The following CHORDC1 variants were observed in gnomAD, a reference collection of about 807,000 sequenced individuals.
CHORDC1 encodes the protein cysteine and histidine-rich domain-containing protein 1.
A neutral mutation model predicts 48.3 loss-of-function variants in CHORDC1; 25 were observed. The observed-to-expected ratio is 0.52, with a 90% confidence interval of 0.38 to 0.72. CHORDC1 has a LOEUF of 0.72. Among genes scored for constraint, CHORDC1 ranks in the 30% least tolerant of loss-of-function variants. The probability of loss-of-function intolerance (pLI) is 0.00; values close to 1 mark genes in which losing one functional copy is unlikely to be tolerated. For synonymous variants in CHORDC1, 128 were observed against 126.4 expected, an observed-to-expected ratio of 1.01 and a Z score of -0.09; for missense variants, 317 against 388.7, an observed-to-expected ratio of 0.82 and a Z score of 1.55.
intron 2 of CHORDC1, 84 bp from the exon 3 acceptor site, chr11:90,215,314 A>C (rs1857981012): frequency 1.2e-6 from 1 of 843,394 alleles, no homozygotes; most frequent in East Asian, 2.8e-5. Flanking sequence ...GCACTTATCT[A>C]CTTGAATCCT....
chr11:90,210,957 G>C, intron 5 of CHORDC1: 3 of 303,376 alleles, frequency 9.9e-6, no homozygotes, highest in Non-Finnish European at 1.2e-5. Flanking sequence ...AAATTTAGCT[G>C]ATTCTTAAAA....
At chr11:90,206,809 C>T in intron 6 of CHORDC1, 1 of 1,280,184 alleles carries the variant, frequency 7.8e-7, no homozygotes, top group Admixed American at 2.3e-5. Context: ...TAGATGGAGG[C>T]TCTACAGATG....
chr11:90,219,948 TACA>T (rs1253003650), intron 1 of CHORDC1, among the ~76,000 whole-genome samples: 1 of 152,240 alleles, frequency 6.6e-6, no homozygotes, highest in Non-Finnish European at 1.5e-5. Flanking sequence ...TTCAATGCTC[TACA>T]ACAACCTTGT....
Position 90,202,086 on chromosome 11 carries a change from A to G in CHORDC1, c.*319T>C, listed in dbSNP as rs758346804. On this transcript the variant is annotated 3_prime_UTR_variant, in exon 11 of 11. Transcript: ENST00000320585. ...AAAAACATAAAAAAAATGTTCCTTA[A>G]TATTTCTTTGCTTAACAGAGAAATA... 22 of 203,288 alleles carry G rather than the reference A, an allele frequency of 1.1e-4. No homozygotes were observed. The highest frequency in any genetic ancestry group is 2.1e-4 in the Non-Finnish European group (21 of 102,376). The allele number at this position is 203,288 out of a possible 1,614,324, so 12.6% of individuals were successfully genotyped here.
chr11:90,213,961 C>A, intron 4 of CHORDC1, 57 bp downstream of exon 4: 3 of 1,381,060 alleles, frequency 2.2e-6, no homozygotes, highest in Non-Finnish European at 2.0e-6. Context: ...AGGAAAGTAC[C>A]ATGCACAAGT....
At chr11:90,203,972 A>G (rs1181929138) in intron 8 of CHORDC1, among the ~76,000 whole-genome samples, 1 of 152,116 alleles carries the variant, frequency 6.6e-6, no homozygotes, top group Non-Finnish European at 1.5e-5. Context: ...TAATCCTTAC[A>G]TACCAGTAGT....
intron 10 of CHORDC1, 109 bp downstream of exon 10, chr11:90,202,704 T>C (rs533573104): frequency 7.1e-7 from 1 of 1,399,590 alleles, no homozygotes; most frequent in African/African-American, 1.5e-5. Context: ...GATACACTGT[T>C]AAGTTATACA....
chr11:90,208,188 T>C (rs1337632742), intron 6 of CHORDC1: 1 of 152,220 alleles, frequency 6.6e-6, no homozygotes, highest in Admixed American at 6.5e-5. Flanking sequence ...TTCCAGCACT[T>C]TGGGAGGCCG....
rs745911071 is a variant in CHORDC1, at chr11:90,202,422, C to A, written c.982G>T (p.Asp328Tyr). 12 of 1,611,520 alleles carry A rather than the reference C, an allele frequency of 7.4e-6. No individual in the cohort carries two copies. The East Asian group carries it at 2.5e-4, about 33-fold the overall frequency. ...TCTCCCACTCAATCTGTTGTGGCATCTTTTTGTTTTTCCTGCTTTTTAGCT... is the reference window on the plus strand; with the variant it reads ...TCTCCCACTCAATCTGTTGTGGCATATTTTTGTTTTTCCTGCTTTTTAGCT... ...PAAKKQEKQK[D>Y]ATTD The change falls in exon 11 of 11, where the codon GAT (aspartate) becomes TAT (tyrosine). Residue 328 changes from aspartate (D) to tyrosine (Y), a missense_variant. By Grantham distance (160) the Asp-to-Tyr change is radical. Transcript: ENST00000320585.
chr11:90,204,209 C>T (rs562649368), intron 8 of CHORDC1, among the ~76,000 whole-genome samples: 13 of 152,064 alleles, frequency 8.5e-5, no homozygotes, highest in Non-Finnish European at 8.8e-5. Flanking sequence ...TAACTGCATA[C>T]ATTAAAAAAC....
At chr11:90,203,010 A>T (rs1857579525) in intron 9 of CHORDC1, 135 bp from the exon 10 acceptor site, 1 of 1,158,044 alleles carries the variant, frequency 8.6e-7, no homozygotes, top group African/African-American at 1.6e-5. Context: ...ATTGTTTCAT[A>T]TGAGAAAAGC....
At chr11:90,209,896 A>G (rs1464736207) in intron 6 of CHORDC1, among the ~76,000 whole-genome samples, 3 of 152,154 alleles carry the variant, frequency 2.0e-5, no homozygotes, top group African/African-American at 7.2e-5. Context: ...AGCTTCTCCT[A>G]ATACTTAGAA....
At chr11:90,217,851 C>T (rs529836981) in intron 2 of CHORDC1, 30 of 185,136 alleles carry the variant, frequency 1.6e-4, no homozygotes, top group African/African-American at 6.5e-4. Context: ...GAGCTGAGAT[C>T]GCACCACTGC....
chr11:90,217,737 T>C (rs1339939878), intron 2 of CHORDC1: 1 of 153,734 alleles, frequency 6.5e-6, no homozygotes, highest in African/African-American at 2.4e-5. Flanking sequence ...CTGTCTCCAC[T>C]AAAAATACAA....
chr11:90,217,107 A>G (rs1157849228), intron 2 of CHORDC1, among the ~76,000 whole-genome samples: 1 of 152,212 alleles, frequency 6.6e-6, no homozygotes, highest in Non-Finnish European at 1.5e-5. Context: ...AACTTGCCCT[A>G]CTGAATGTCT....
rs1176044000 is a variant in CHORDC1, at chr11:90,200,454, A to G, written c.*1951T>C. Among the ~76,000 whole-genome samples, 1 of 151,986 alleles carries G rather than the reference A, an allele frequency of 6.6e-6. No individual in the cohort carries two copies. The highest frequency in any genetic ancestry group is 1.5e-5 in the Non-Finnish European group (1 of 67,870). On this transcript the variant is annotated 3_prime_UTR_variant, in exon 11 of 11. Transcript: ENST00000320585. The stretch of plus-strand genomic sequence containing the variant: ...TTTCTAGAGAAATAAATCAATAAGC[A>G]CTTTTTATTAACTTTTTTGACAAAC...
chr11:90,214,504 C>T (rs1034957559), intron 3 of CHORDC1, among the ~76,000 whole-genome samples: 7 of 151,466 alleles, frequency 4.6e-5, no homozygotes, highest in African/African-American at 1.7e-4. Context: ...ATCTGTTACT[C>T]GAAAGGCCTC....
At chr11:90,209,986 G>C (rs1220878259) in intron 6 of CHORDC1, among the ~76,000 whole-genome samples, 1 of 152,106 alleles carries the variant, frequency 6.6e-6, no homozygotes, top group African/African-American at 2.4e-5. Flanking sequence ...CCTTGCCCAA[G>C]CTCCACAGAC....
At chr11:90,202,968 A>C in intron 9 of CHORDC1, 93 bp from the exon 10 acceptor site, 1 of 1,396,372 alleles carries the variant, frequency 7.2e-7, no homozygotes, top group Non-Finnish European at 9.6e-7. Flanking sequence ...ACAAAAATGA[A>C]TTAAGCTATT....
Sources: gnomAD v4.1 joint callset for allele counts (sites outside exome capture counted in the v4.1 genomes callset) on GRCh38, gnomAD v4.1.1 for gene constraint, MANE v1.5 for transcripts, NCBI Gene and HGNC (gene_info 2026-07-23, HGNC 2026-07-21) for gene names.